The following DGKB variants were observed in gnomAD, a reference collection of about 807,000 sequenced individuals.
DGKB encodes diacylglycerol kinase beta.
Under a neutral mutation model 114.3 loss-of-function variants are expected in DGKB, and 67 were observed. The observed-to-expected ratio is 0.59, with a 90% CI of 0.48 to 0.72. DGKB has a LOEUF of 0.72. Ranked by LOEUF, DGKB falls within the 30% of genes least tolerant of loss-of-function variation. The probability of loss-of-function intolerance (pLI) is 0.00; values close to 1 mark genes in which losing one functional copy is unlikely to be tolerated. For synonymous variants in DGKB, 398 were observed against 323.1 expected (o/e 1.23, Z -2.49); for missense variants, 907 against 975.2 (o/e 0.93, Z 0.93).
intron 1 of DGKB, among the ~76,000 whole-genome samples, chr7:14,960,668 A>G (rs1325864331): frequency 1.3e-5 from 2 of 152,096 alleles, no homozygotes; most frequent in Non-Finnish European, 2.9e-5. Flanking sequence ...GAAACTGACA[A>G]TGAAAGTGAG....
chr7:14,312,193 CT>C (rs1015071296), intron 23 of DGKB, among the ~76,000 whole-genome samples: 4 of 152,186 alleles, frequency 2.6e-5, no homozygotes, highest in African/African-American at 9.6e-5. Flanking sequence ...CTCTTGACCC[CT>C]ATTATAATGC....
At chr7:14,926,815 T>A (rs2128249228) in intron 1 of DGKB, among the ~76,000 whole-genome samples, 1 of 152,130 alleles carries the variant, frequency 6.6e-6, no homozygotes, top group Non-Finnish European at 1.5e-5. Flanking sequence ...TTTTTGTGTT[T>A]TGTAAGTTTC....
At chr7:14,643,626 TA>T (rs1744114826) in intron 13 of DGKB, among the ~76,000 whole-genome samples, 1 of 152,124 alleles carries the variant, frequency 6.6e-6, no homozygotes, top group South Asian at 2.1e-4. Flanking sequence ...ATAGGTGATC[TA>T]AACCCTTAGG....
At chr7:14,534,113 A>G (rs1047185804) in intron 20 of DGKB, among the ~76,000 whole-genome samples, 1 of 152,066 alleles carries the variant, frequency 6.6e-6, no homozygotes, top group Non-Finnish European at 1.5e-5. Context: ...ATTTTGTTTA[A>G]TAAATAAACA....
chr7:14,787,556 G>C (rs1029064369), intron 2 of DGKB, among the ~76,000 whole-genome samples: 9 of 152,160 alleles, frequency 5.9e-5, no homozygotes, highest in Non-Finnish European at 1.3e-4. Context: ...GGTGATAGAC[G>C]TAGAGATGCA....
intron 1 of DGKB, among the ~76,000 whole-genome samples, chr7:14,878,772 A>C (rs1298316799): frequency 1.6e-4 from 24 of 151,546 alleles, no homozygotes; most frequent in African/African-American, 3.9e-4. Flanking sequence ...AAAAAAACAA[A>C]AAAAAAAAAC....
intron 25 of DGKB, 51 bp from the exon 26 acceptor site, chr7:14,149,289 T>G: frequency 7.4e-7 from 1 of 1,351,462 alleles, no homozygotes; most frequent in South Asian, 1.2e-5. Context: ...AATCTCCAGA[T>G]AGATACAATA....
intron 20 of DGKB, among the ~76,000 whole-genome samples, chr7:14,530,589 C>G (rs1333856475): frequency 6.6e-6 from 1 of 151,262 alleles, no homozygotes; most frequent in Non-Finnish European, 1.5e-5. Flanking sequence ...TTGAGTTTAC[C>G]ATACGATATT....
intron 1 of DGKB, among the ~76,000 whole-genome samples, chr7:14,925,595 C>T (rs181483352): frequency 6.6e-6 from 1 of 152,198 alleles, no homozygotes; most frequent in Admixed American, 6.5e-5. Flanking sequence ...TAAGTTTCAG[C>T]ATATATATTC....
intron 23 of DGKB, among the ~76,000 whole-genome samples, chr7:14,299,641 A>G (rs535894576): frequency 4.2e-4 from 64 of 152,218 alleles, no homozygotes; most frequent in African/African-American, 1.5e-3. Flanking sequence ...CATTTTCTTA[A>G]TAAAAAACTG....
chr7:14,652,482 C>G (rs1288090494), intron 13 of DGKB, among the ~76,000 whole-genome samples: 7 of 151,946 alleles, frequency 4.6e-5, no homozygotes, highest in Admixed American at 1.3e-4. Context: ...TTCCTTACAC[C>G]TTATTCAAAA....
intron 23 of DGKB, among the ~76,000 whole-genome samples, chr7:14,331,495 C>T (rs1008534575): frequency 1.3e-5 from 2 of 151,940 alleles, no homozygotes; most frequent in African/African-American, 4.8e-5. Flanking sequence ...CCCTAAATAA[C>T]CCATAGAAAT....
intron 16 of DGKB, among the ~76,000 whole-genome samples, chr7:14,611,785 C>CA (rs1232620568): frequency 2.0e-5 from 3 of 151,666 alleles, no homozygotes; most frequent in Admixed American, 6.6e-5. Flanking sequence ...AACTAAGGGT[C>CA]ATTCTACATG....
intron 1 of DGKB, among the ~76,000 whole-genome samples, chr7:14,851,807 T>C (rs571408979): frequency 3.3e-5 from 5 of 152,286 alleles, no homozygotes; most frequent in Admixed American, 3.3e-4. Context: ...AGAAGCCATG[T>C]ATAAGTGTAA....
At chr7:14,433,327 C>T (rs979535471) in intron 21 of DGKB, among the ~76,000 whole-genome samples, 1 of 152,096 alleles carries the variant, frequency 6.6e-6, no homozygotes, top group African/African-American at 2.4e-5. Context: ...GTATTGATCT[C>T]AACAAAATTC....
intron 19 of DGKB, among the ~76,000 whole-genome samples, chr7:14,577,673 A>T (rs1363354940): frequency 2.0e-5 from 3 of 152,248 alleles, no homozygotes; most frequent in Non-Finnish European, 4.4e-5. Context: ...TTCTACACAA[A>T]CAAGATTTTC....
intron 19 of DGKB, 72 bp from the exon 20 acceptor site, chr7:14,574,444 T>C (rs1481046308): frequency 7.8e-7 from 1 of 1,274,968 alleles, no homozygotes; most frequent in African/African-American, 1.5e-5. Context: ...TATGTTTCAG[T>C]GTGCTTATGC....
At chr7:14,584,712 G>A (rs1364353514) in intron 17 of DGKB, among the ~76,000 whole-genome samples, 1 of 151,438 alleles carries the variant, frequency 6.6e-6, no homozygotes, top group East Asian at 1.9e-4. Context: ...AATATGGAGT[G>A]CAATGGTGCA....
intron 21 of DGKB, among the ~76,000 whole-genome samples, chr7:14,387,149 C>T (rs753566717): frequency 4.0e-5 from 6 of 151,286 alleles, no homozygotes; most frequent in African/African-American, 7.3e-5. Context: ...CTTGGCTGGG[C>T]GCGGTGGCTC....
Sources: allele counts gnomAD v4.1 joint callset (sites outside exome capture counted in the v4.1 genomes callset), GRCh38; gene constraint gnomAD v4.1.1; transcripts MANE v1.5; gene names NCBI Gene and HGNC (gene_info 2026-07-23, HGNC 2026-07-21).